Variants in LDB2 observed in about 807,000 individuals in gnomAD.
LDB2 encodes LIM domain binding 2.
LDB2 carries 12 observed loss-of-function variants against 44.3 expected under a neutral mutation model. That is an observed-to-expected ratio of 0.27 (90% CI 0.17 to 0.44). The LOEUF is 0.44. Among genes scored for constraint, LDB2 ranks in the 20% least tolerant of loss-of-function variants. LDB2 has a pLI of 1.00. For missense variants in LDB2, 344 were observed against 473.5 expected (o/e 0.73, Z 2.54); for synonymous variants, 164 against 174.8 (o/e 0.94, Z 0.49).
intron 2 of LDB2, among the ~76,000 whole-genome samples, chr4:16,597,757 A>G (rs1403091392): frequency 2.6e-5 from 4 of 152,192 alleles, no homozygotes; most frequent in Non-Finnish European, 4.4e-5. Flanking sequence ...CCTTTAGAGC[A>G]CTGTTTGCTA....
intron 1 of LDB2, among the ~76,000 whole-genome samples, chr4:16,768,150 C>T (rs780208405): frequency 5.9e-5 from 9 of 152,098 alleles, no homozygotes; most frequent in African/African-American, 9.7e-5. Flanking sequence ...ACACCCCCTC[C>T]AAAGAATGAA....
At chr4:16,571,156 C>A (rs1746401020) in intron 5 of LDB2, among the ~76,000 whole-genome samples, 1 of 152,192 alleles carries the variant, frequency 6.6e-6, no homozygotes, top group Non-Finnish European at 1.5e-5. Context: ...TTTTGGATTT[C>A]ATTTGGAGTG....
At chr4:16,886,706 G>T (rs573478485) in intron 1 of LDB2, among the ~76,000 whole-genome samples, 1 of 152,186 alleles carries the variant, frequency 6.6e-6, no homozygotes, top group East Asian at 1.9e-4. Flanking sequence ...TTAGTGATGT[G>T]TTTTTCAACA....
chr4:16,774,780 C>A (rs1487050810), intron 1 of LDB2, among the ~76,000 whole-genome samples: 1 of 152,010 alleles, frequency 6.6e-6, no homozygotes, highest in Non-Finnish European at 1.5e-5. Flanking sequence ...TGTGTGTGAG[C>A]AAGAGACAGG....
intron 2 of LDB2, among the ~76,000 whole-genome samples, chr4:16,712,566 G>C (rs1036990244): frequency 1.3e-5 from 2 of 151,908 alleles, no homozygotes; most frequent in African/African-American, 4.8e-5. Context: ...AAAACAAAAA[G>C]AAAAGAAAAG....
chr4:16,725,083 C>T lies in LDB2; in HGVS notation c.235+34075G>A, dbSNP rs904055788. ...TATCCACTTCTCTCTTTTGCAACTG[C>T]TTGTCCACATATAGAAGCAGCAGAA... On this transcript the variant is annotated intron_variant, in intron 2 of 7. Coordinates refer to ENST00000304523, the MANE Select transcript of LDB2 (RefSeq NM_001290.5). Among the ~76,000 whole-genome samples the T allele has an allele frequency of 1.6e-4, 24 of 152,132 alleles. No homozygotes were observed. In the Middle Eastern group the frequency reaches 9.5e-3, roughly 60 times the overall value.
At chr4:16,841,254 A>G (rs1423422498) in intron 1 of LDB2, among the ~76,000 whole-genome samples, 2 of 152,228 alleles carry the variant, frequency 1.3e-5, no homozygotes, top group Admixed American at 6.5e-5. Context: ...CAGGAAAAGC[A>G]TAGGTAACAT....
In LDB2 at chr4:16,872,387, C is replaced by T. The variant is rs533466584; in HGVS notation, c.132+25967G>A. On this transcript the variant is annotated intron_variant, in intron 1 of 7. Transcript: ENST00000304523. Reference sequence around the variant, plus strand: ...CTGAACTTCAATCATTCATCCATAACATGAGTTACTGCTCCTCAGAATTGA... The same window carrying T: ...CTGAACTTCAATCATTCATCCATAATATGAGTTACTGCTCCTCAGAATTGA... 5.9e-5 allele frequency among the ~76,000 whole-genome samples: 9 copies of T among 152,194 alleles called. No homozygotes were observed. The South Asian group carries it at 1.9e-3, about 32-fold the overall frequency.
chr4:16,671,066 A>C (rs1304513755), intron 2 of LDB2, among the ~76,000 whole-genome samples: 3 of 151,740 alleles, frequency 2.0e-5, no homozygotes, highest in Non-Finnish European at 2.9e-5. Context: ...TGATATTATT[A>C]CTCAAGTGCT....
chr4:16,768,962 T>C (rs915779454), intron 1 of LDB2, among the ~76,000 whole-genome samples: 2 of 152,214 alleles, frequency 1.3e-5, no homozygotes, highest in Non-Finnish European at 2.9e-5. Context: ...CCAAGGACTC[T>C]GGCTACTGGC....
intron 2 of LDB2, among the ~76,000 whole-genome samples, chr4:16,665,268 C>T (rs373701675): frequency 1.0e-4 from 13 of 127,202 alleles, no homozygotes; most frequent in East Asian, 2.3e-4. Context: ...TTTTTCATTT[C>T]TTTTTTTTTT....
intron 1 of LDB2, among the ~76,000 whole-genome samples, chr4:16,878,334 A>C (rs1719028974): frequency 1.3e-5 from 2 of 152,238 alleles, no homozygotes. Flanking sequence ...ATAAAGCCTG[A>C]GAAGGGTTCC....
Position 16,623,529 on chromosome 4 carries a change from G to C in LDB2, c.236-27654C>G, listed in dbSNP as rs189879862. The stretch of plus-strand genomic sequence containing the variant: ...GGAGAATTGCTTGAGCCCGGGAGGC[G>C]GACGTTGCAGTGAGCCAAGATCATG... On this transcript the variant is annotated intron_variant, in intron 2 of 7. Coordinates refer to ENST00000304523, the MANE Select transcript of LDB2 (RefSeq NM_001290.5). 3.0e-3 allele frequency among the ~76,000 whole-genome samples: 453 copies of C among 152,182 alleles called. 3 individuals are homozygous for C. The highest frequency in any genetic ancestry group is 0.011 in the African/African-American group (443 of 41,506).
chr4:16,562,568 A>C (rs1742795336), intron 5 of LDB2, among the ~76,000 whole-genome samples: 1 of 152,246 alleles, frequency 6.6e-6, no homozygotes, highest in Non-Finnish European at 1.5e-5. Context: ...AGGAAACAAC[A>C]GGTACTGGAG....
At chr4:16,502,967 GAC>G in intron 7 of LDB2, 94 bp from the exon 8 acceptor site, 7 of 1,602,154 alleles carry the variant, frequency 4.4e-6, no homozygotes, top group Non-Finnish European at 5.1e-6. Flanking sequence ...ATCTAGGACA[GAC>G]ACACTCGTGT....
Position 16,846,548 on chromosome 4 carries a change from A to T in LDB2, c.132+51806T>A, listed in dbSNP as rs531760497. 6.6e-5 allele frequency among the ~76,000 whole-genome samples: 10 copies of T among 152,252 alleles called. No homozygotes were observed. In the South Asian group the frequency reaches 2.1e-3, roughly 32 times the overall value. On this transcript the variant is annotated intron_variant, in intron 1 of 7. Coordinates refer to ENST00000304523, the MANE Select transcript of LDB2 (RefSeq NM_001290.5). Reference sequence around the variant, plus strand: ...TCAGACTTTTGAAGGATGTTTTGTTACCTTCTGTAGTAGTTTGAGAGAGTA... The same window carrying T: ...TCAGACTTTTGAAGGATGTTTTGTTTCCTTCTGTAGTAGTTTGAGAGAGTA...
intron 1 of LDB2, among the ~76,000 whole-genome samples, chr4:16,895,395 T>G (rs1724679119): frequency 6.6e-6 from 1 of 152,120 alleles, no homozygotes; most frequent in African/African-American, 2.4e-5. Flanking sequence ...CTAATTTCTT[T>G]CCATATAAAA....
chr4:16,673,103 G>C (rs998206768), intron 2 of LDB2, among the ~76,000 whole-genome samples: 2 of 151,908 alleles, frequency 1.3e-5, no homozygotes, highest in Non-Finnish European at 2.9e-5. Flanking sequence ...GTGACCAATG[G>C]GATTGTAATT....
At chr4:16,729,267 ATTTTAAAAAAGCCT>A (rs1180494411) in intron 2 of LDB2, among the ~76,000 whole-genome samples, 1 of 152,192 alleles carries the variant, frequency 6.6e-6, no homozygotes, top group Non-Finnish European at 1.5e-5. Flanking sequence ...GACGCTTGTC[ATTTTAAAAAAGCCT>A]TTATAAGCTC....
Sources: gnomAD v4.1 joint callset for allele counts (sites outside exome capture counted in the v4.1 genomes callset) on GRCh38, gnomAD v4.1.1 for gene constraint, MANE v1.5 for transcripts, NCBI Gene and HGNC (gene_info 2026-07-23, HGNC 2026-07-21) for gene names.